ATP6V0A4: variants seen among roughly 807,000 people sequenced by gnomAD.
The protein encoded by ATP6V0A4 is V-type proton ATPase 116 kDa subunit a 4.
In ATP6V0A4, 86 loss-of-function variants were observed where a neutral mutation model predicts 107.3. That is an observed-to-expected ratio of 0.80 (90% CI 0.67 to 0.96). The LOEUF is 0.96. Among genes scored for constraint, ATP6V0A4 ranks in the 40% least tolerant of loss-of-function variants. The pLI is 0.00. For missense variants in ATP6V0A4, 908 were observed against 1,045.6 expected (o/e 0.87, Z 1.81); for synonymous variants, 353 against 381.4 (o/e 0.93, Z 0.87).
At chr7:138,722,082 CAT>C in intron 18 of ATP6V0A4, 57 bp from the exon 19 acceptor site, 1 of 1,608,266 alleles carries the variant, frequency 6.2e-7, no homozygotes, top group Non-Finnish European at 8.5e-7. Context: ...AATTCTAACA[CAT>C]ATAAATATAA....
chr7:138,723,528 T>C (rs538929769), intron 18 of ATP6V0A4, among the ~76,000 whole-genome samples: 10 of 75,928 alleles, frequency 1.3e-4, no homozygotes, highest in Admixed American at 1.9e-4. Flanking sequence ...CTTTTCTTTT[T>C]TTTTTTTTTT....
chr7:138,715,976 T>C (rs1342222210), intron 19 of ATP6V0A4, 95 bp from the exon 20 acceptor site: 3 of 1,520,128 alleles, frequency 2.0e-6, no homozygotes, highest in Admixed American at 1.7e-5. Flanking sequence ...TGGGCTTTGC[T>C]GTTCAGACAC....
intron 4 of ATP6V0A4, 64 bp downstream of exon 4, chr7:138,769,109 A>G (rs1471592350): frequency 6.2e-7 from 1 of 1,600,452 alleles, no homozygotes; most frequent in East Asian, 2.2e-5. Flanking sequence ...AGTCCTGCAA[A>G]CTATTAACCC....
rs561718102 is a variant in ATP6V0A4, at chr7:138,711,914, T to C, written c.2258-2119A>G. ...GCATTCGTGTGAAGTGGCTATCCCA[T>C]GACTGTCACCCACTTTGTTCCTTTT... On this transcript the variant is annotated intron_variant, in intron 20 of 21. Coordinates refer to ENST00000310018, the MANE Select transcript of ATP6V0A4 (RefSeq NM_020632.3). Among the ~76,000 whole-genome samples, 45 of 152,338 alleles carry C rather than the reference T, an allele frequency of 3.0e-4. No homozygotes were observed. The South Asian group carries it at 8.7e-3, about 29-fold the overall frequency.
chr7:138,755,788 T>A lies in ATP6V0A4; in HGVS notation c.723-6A>T. On this transcript the variant is annotated splice_polypyrimidine_tract_variant and splice_region_variant and intron_variant, in intron 9 of 21. Coordinates refer to ENST00000310018, the MANE Select transcript of ATP6V0A4 (RefSeq NM_020632.3). ...GGTAGACAGTGGCTCGAAACCTGTG[T>A]TTAATATATTCCAAAGGAAACAGGT... 1 of 1,612,034 alleles carries A rather than the reference T, an allele frequency of 6.2e-7. No homozygotes were observed.
chr7:138,724,189 C>CA (rs3080498), intron 18 of ATP6V0A4, among the ~76,000 whole-genome samples: 2,044 of 92,688 alleles, frequency 0.022, 68 homozygotes, highest in African/African-American at 0.055. Context: ...GACTCTGCCT[C>CA]AAAAAAAAAA....
At chr7:138,788,356 A>G (rs562711571) in intron 1 of ATP6V0A4, among the ~76,000 whole-genome samples, 1 of 152,320 alleles carries the variant, frequency 6.6e-6, no homozygotes, top group East Asian at 1.9e-4. Flanking sequence ...GAAATTGCCA[A>G]TCATAGAGTT....
intron 14 of ATP6V0A4, among the ~76,000 whole-genome samples, chr7:138,743,889 C>A (rs923608936): frequency 6.6e-6 from 1 of 152,116 alleles, no homozygotes; most frequent in South Asian, 2.1e-4. Context: ...AAGAGGCTGT[C>A]GCAATTTCTA....
intron 2 of ATP6V0A4, among the ~76,000 whole-genome samples, chr7:138,774,232 C>G (rs991323128): frequency 6.6e-6 from 1 of 152,158 alleles, no homozygotes; most frequent in African/African-American, 2.4e-5. Context: ...CTTAGAAGGA[C>G]CCCAGTAAAC....
chr7:138,773,648 C>A lies in ATP6V0A4; in HGVS notation c.-17-2384G>T, dbSNP rs1294067720. On this transcript the variant is annotated intron_variant, in intron 2 of 21. Coordinates refer to ENST00000310018, the MANE Select transcript of ATP6V0A4 (RefSeq NM_020632.3). This position sits in a 1 kb window ranked among gnomAD's most constrained non-coding sequence, Gnocchi z 5.4. ...ATAGACCAGAGGATAAACATCATCC[C>A]TCAGGAAGTGCACATGGTCTGGGCC... 3.9e-5 allele frequency among the ~76,000 whole-genome samples: 6 copies of A among 152,186 alleles called. No individual in the cohort carries two copies. Among genetic ancestry groups the A allele is most frequent in the Non-Finnish European group, 8.8e-5 (6 of 68,044 alleles).
chr7:138,722,016 A>T lies in ATP6V0A4; in HGVS notation c.2020T>A (p.Ser674Thr). The change falls in exon 19 of 22, where the codon TCC becomes ACC. Residue 674 changes from serine (S) to threonine (T), a missense_variant. Ser to Thr is a moderately conservative substitution (Grantham distance 58). Coordinates refer to ENST00000310018, the MANE Select transcript of ATP6V0A4 (RefSeq NM_020632.3). ...TCAGTGGCATCTTCTTGGATCCTGG[A>T]TGCCTGCAGCTGACAACAAGCAGGG... The part of the protein sequence containing the change: ...ASHRKSQLQA[S>T]RIQEDATENI... 6.2e-7 allele frequency: 1 copy of T among 1,614,140 alleles called. No individual in the cohort carries two copies. The highest frequency in any genetic ancestry group is 8.5e-7 in the Non-Finnish European group (1 of 1,180,028).
At chr7:138,727,789 G>A (rs2117226357) in intron 18 of ATP6V0A4, among the ~76,000 whole-genome samples, 1 of 152,372 alleles carries the variant, frequency 6.6e-6, no homozygotes, top group East Asian at 1.9e-4. Flanking sequence ...CAAACCGTCT[G>A]TGTGTCAGAG....
At chr7:138,780,729 C>A (rs73166973) in intron 2 of ATP6V0A4, among the ~76,000 whole-genome samples, 1 of 151,846 alleles carries the variant, frequency 6.6e-6, no homozygotes, top group South Asian at 2.1e-4. Flanking sequence ...CATAGTGAGG[C>A]CTCATCTCTA....
rs989500353 is a variant in ATP6V0A4, at chr7:138,747,814, G to T, written c.1181-250C>A. ...CTGTCACCCAGGCTGGAGTGCAGTG[G>T]CACAATCATGGCTCACTGCAACCTC... On this transcript the variant is annotated intron_variant, in intron 12 of 21. Transcript: ENST00000310018. The T allele has an allele frequency of 2.3e-5, 11 of 469,802 alleles. No homozygotes were observed. In the Admixed American group the frequency reaches 3.9e-4, roughly 17 times the overall value. 29.1% of individuals were successfully genotyped at this position (469,802 alleles called of 1,614,324 possible).
chr7:138,736,061 T>C (rs6415391), intron 15 of ATP6V0A4, among the ~76,000 whole-genome samples: 86,742 of 150,520 alleles, frequency 0.58, 25,356 homozygotes, highest in East Asian at 0.92. Context: ...AAAGTGAAAC[T>C]CCATCTCAAA....
chr7:138,722,053 G>A (rs768597689), intron 18 of ATP6V0A4, 28 bp from the exon 19 acceptor site: 3 of 1,613,782 alleles, frequency 1.9e-6, no homozygotes, highest in South Asian at 1.1e-5. Context: ...AATGAGGAAT[G>A]CGCTCAACTC....
At chr7:138,728,916 C>A in intron 17 of ATP6V0A4, 54 bp from the exon 18 acceptor site, 1 of 1,612,876 alleles carries the variant, frequency 6.2e-7, no homozygotes, top group Non-Finnish European at 8.5e-7. Flanking sequence ...GAACAGCACA[C>A]TTTACGTGAT....
chr7:138,759,304 CT>C, intron 8 of ATP6V0A4, among the ~76,000 whole-genome samples: 1 of 152,064 alleles, frequency 6.6e-6, no homozygotes, highest in South Asian at 2.1e-4. Flanking sequence ...ATCCTCCCAC[CT>C]TGGGCTCCCA....
At chr7:138,750,357 C>A (rs755267375) in intron 11 of ATP6V0A4, among the ~76,000 whole-genome samples, 3 of 152,034 alleles carry the variant, frequency 2.0e-5, no homozygotes, top group African/African-American at 7.2e-5. Context: ...CTCAAGTGAT[C>A]CTCCCGCCAC....
Sources: gnomAD v4.1 joint callset for allele counts (sites outside exome capture counted in the v4.1 genomes callset) on GRCh38, gnomAD v4.1.1 for gene constraint, Gnocchi (gnomAD v3.1) non-coding constraint, MANE v1.5 for transcripts, NCBI Gene and HGNC (gene_info 2026-07-23, HGNC 2026-07-21) for gene names.